The following SPAG9 variants were observed in gnomAD, a reference collection of about 807,000 sequenced individuals.
SPAG9 encodes sperm associated antigen 9.
A neutral mutation model predicts 166.5 loss-of-function variants in SPAG9; 35 were observed. That is an observed-to-expected ratio of 0.21 (90% CI 0.16 to 0.28). The LOEUF is 0.28. SPAG9 is among the 10% of genes least tolerant of loss of function. The pLI is 1.00. For synonymous variants in SPAG9, 534 were observed against 565.5 expected (o/e 0.94, Z 0.79); for missense variants, 1,235 against 1,603.3 (o/e 0.77, Z 3.92).
At chr17:50,981,527 T>TAGATAGATAGATAGAA (rs1555631099) in intron 25 of SPAG9, among the ~76,000 whole-genome samples, 1 of 107,302 alleles carries the variant, frequency 9.3e-6, no homozygotes, top group African/African-American at 3.5e-5. Flanking sequence ...GATAGATAGA[T>TAGATAGATAGATAGAA]AGAAAGAAAG....
rs1037331947 is a variant in SPAG9 at position 51,072,504 on chromosome 17, G to GA, written c.424+7079dup. 2.6e-4 allele frequency among the ~76,000 whole-genome samples: 39 copies of GA among 151,260 alleles called. 1 individual carries two copies. The highest frequency in any genetic ancestry group is 2.4e-4 in the Non-Finnish European group (16 of 67,826). On this transcript the variant is annotated intron_variant, in intron 2 of 29. Coordinates refer to ENST00000262013, the MANE Select transcript of SPAG9 (RefSeq NM_001130528.3). ...TCAAGACCAGCCTGGCCAAAAGGGTGAAACTCCATCTCTACTAAAAATACA... is the reference window on the plus strand; with the variant it reads ...TCAAGACCAGCCTGGCCAAAAGGGTGAAAACTCCATCTCTACTAAAAATACA...
rs199702941 is a variant in SPAG9, at chr17:51,091,510, G to GTTT, written c.304-11809_304-11807dup. Among the ~76,000 whole-genome samples, 1,256 of 151,596 alleles carry GTTT rather than the reference G, an allele frequency of 8.3e-3. 18 individuals carry two copies. Among genetic ancestry groups the GTTT allele is most frequent in the African/African-American group, 0.029 (1,212 of 41,304 alleles). On this transcript the variant is annotated intron_variant, in intron 1 of 29. Coordinates refer to ENST00000262013, the MANE Select transcript of SPAG9 (RefSeq NM_001130528.3). ...CTGTTTTTTTGTTGTTGTTGTTGTTGTTTGCATATTATAAAACCACATTAG... is the reference window on the plus strand; with the variant it reads ...CTGTTTTTTTGTTGTTGTTGTTGTTGTTTTTTGCATATTATAAAACCACATTAG...
chr17:51,085,959 A>ATTTTTTTTTT (rs34918673), intron 1 of SPAG9, among the ~76,000 whole-genome samples: 5 of 88,078 alleles, frequency 5.7e-5, no homozygotes, highest in South Asian at 3.8e-4. Flanking sequence ...CTTGGAAATC[A>ATTTTTTTTTT]TTTTTTTTTT....
intron 1 of SPAG9, among the ~76,000 whole-genome samples, chr17:51,082,550 T>G (rs1466577322): frequency 2.0e-5 from 3 of 152,174 alleles, no homozygotes; most frequent in Admixed American, 6.5e-5. Context: ...CAGGGATTTT[T>G]GTTTTGTTCA....
intron 1 of SPAG9, among the ~76,000 whole-genome samples, chr17:51,089,663 T>TATATACAC (rs1403230293): frequency 5.1e-5 from 4 of 78,298 alleles, no homozygotes; most frequent in African/African-American, 1.8e-4. Flanking sequence ...TATATATATA[T>TATATACAC]ACACATACAC....
intron 26 of SPAG9, 113 bp from the exon 27 acceptor site, chr17:50,977,334 G>A: frequency 1.5e-6 from 1 of 686,308 alleles, no homozygotes; most frequent in Non-Finnish European, 2.6e-6. Context: ...AAAGAAAGTA[G>A]TAGTAGCAGG....
intron 1 of SPAG9, among the ~76,000 whole-genome samples, chr17:51,100,168 A>G (rs1162222108): frequency 6.6e-6 from 1 of 152,220 alleles, no homozygotes; most frequent in Non-Finnish European, 1.5e-5. Context: ...GTAAGCCAAG[A>G]TAACAAACTT....
At chr17:51,099,782 A>C (rs1403122900) in intron 1 of SPAG9, among the ~76,000 whole-genome samples, 3 of 150,612 alleles carry the variant, frequency 2.0e-5, no homozygotes, top group South Asian at 2.1e-4. Context: ...AAAAAAAAAA[A>C]AAAAAAACTA....
At chr17:51,053,855 G>GTATATATATATA (rs1161592026) in intron 3 of SPAG9, among the ~76,000 whole-genome samples, 138 of 37,680 alleles carry the variant, frequency 3.7e-3, no homozygotes, top group South Asian at 6.2e-3. Flanking sequence ...AAAAAAAAAA[G>GTATATATATATA]TATATATATA....
intron 9 of SPAG9, 131 bp from the exon 10 acceptor site, chr17:51,007,457 A>G (rs1284653733): frequency 4.7e-6 from 2 of 429,792 alleles, no homozygotes; most frequent in Non-Finnish European, 4.0e-6. Context: ...TATTTTGTCT[A>G]TAATTTCATT....
intron 5 of SPAG9, 111 bp from the exon 6 acceptor site, chr17:51,031,833 T>C (rs2046394599): frequency 1.2e-6 from 1 of 803,098 alleles, no homozygotes; most frequent in East Asian, 2.7e-5. Context: ...TCATCTATTA[T>C]CTACTGTGTT....
chr17:51,068,672 AG>A (rs1381905755), intron 2 of SPAG9, among the ~76,000 whole-genome samples: 1 of 152,212 alleles, frequency 6.6e-6, no homozygotes, highest in Non-Finnish European at 1.5e-5. Flanking sequence ...ACAGACAAAC[AG>A]CTTGCTACAC....
intron 19 of SPAG9, among the ~76,000 whole-genome samples, chr17:50,993,411 C>T (rs1346609597): frequency 6.6e-6 from 1 of 151,628 alleles, no homozygotes; most frequent in African/African-American, 2.4e-5. Context: ...GAATAATATT[C>T]CAACATATGG....
intron 6 of SPAG9, among the ~76,000 whole-genome samples, chr17:51,025,545 T>C (rs1409445737): frequency 1.3e-5 from 2 of 151,912 alleles, no homozygotes; most frequent in Admixed American, 6.6e-5. Context: ...TACAAGTCCC[T>C]CTGAGCACCA....
intron 5 of SPAG9, among the ~76,000 whole-genome samples, chr17:51,037,710 G>C (rs2046672528): frequency 8.5e-6 from 1 of 117,278 alleles, no homozygotes; most frequent in African/African-American, 2.8e-5. Flanking sequence ...GTGTGTGTGT[G>C]TGTGTGTGTG....
intron 1 of SPAG9, among the ~76,000 whole-genome samples, chr17:51,092,396 T>C (rs2144694047): frequency 6.6e-6 from 1 of 152,210 alleles, no homozygotes; most frequent in South Asian, 2.1e-4. Context: ...AGTATAAATG[T>C]ATAGACTCTC....
chr17:50,993,208 C>G (rs1414101064), intron 19 of SPAG9, among the ~76,000 whole-genome samples: 2 of 148,126 alleles, frequency 1.4e-5, no homozygotes, highest in Non-Finnish European at 3.0e-5. Flanking sequence ...TCCAGCTACT[C>G]GGGAGGCTGA....
At chr17:51,057,188 T>C (rs1462563805) in intron 2 of SPAG9, among the ~76,000 whole-genome samples, 1 of 152,052 alleles carries the variant, frequency 6.6e-6, no homozygotes, top group Non-Finnish European at 1.5e-5. Flanking sequence ...TTCCTGACAC[T>C]GTTACCACAG....
At chr17:50,973,343 G>A (rs1360473404) in intron 28 of SPAG9, among the ~76,000 whole-genome samples, 2 of 152,108 alleles carry the variant, frequency 1.3e-5, no homozygotes, top group Non-Finnish European at 2.9e-5. Context: ...GGGATACAAA[G>A]GAGATTTAAA....
Sources: allele counts gnomAD v4.1 joint callset (sites outside exome capture counted in the v4.1 genomes callset), GRCh38; gene constraint gnomAD v4.1.1; transcripts MANE v1.5; gene names NCBI Gene and HGNC (gene_info 2026-07-23, HGNC 2026-07-21).